Variants in CDH4 observed in about 807,000 individuals in gnomAD.
CDH4 encodes the protein cadherin-4.
In CDH4, 33 loss-of-function variants were observed where a neutral mutation model predicts 86.0. The ratio of observed to expected loss-of-function variants is 0.38; its 90% CI spans 0.29 to 0.51. The LOEUF is 0.51. CDH4 is among the 20% of genes least tolerant of loss of function. The pLI is 0.86. For synonymous variants in CDH4, 555 were observed against 549.4 expected, an observed-to-expected ratio of 1.01 and a Z score of -0.14; for missense variants, 1,114 against 1,307.4, an observed-to-expected ratio of 0.85 and a Z score of 2.28.
rs6061314 is a variant in CDH4, at chr20:61,694,260, C to T, written c.170-49303C>T. On this transcript the variant is annotated intron_variant, in intron 2 of 15. Transcript: ENST00000614565. Reference sequence around the variant, plus strand: ...CGCAGGTAGAGTGGGAAGGAGGAAGCCACACTGACTTGCCTGGCATTCTTT... The same window carrying T: ...CGCAGGTAGAGTGGGAAGGAGGAAGTCACACTGACTTGCCTGGCATTCTTT... 1.2e-3 allele frequency among the ~76,000 whole-genome samples: 179 copies of T among 152,218 alleles called. 1 individual carries two copies. The highest frequency in any genetic ancestry group is 4.1e-3 in the African/African-American group (171 of 41,522).
At chr20:61,583,438 G>A (rs2086446884) in intron 2 of CDH4, among the ~76,000 whole-genome samples, 1 of 152,104 alleles carries the variant, frequency 6.6e-6, no homozygotes, top group Non-Finnish European at 1.5e-5. Context: ...TTTGAGGGGA[G>A]ACGGGGGTTG....
At chr20:61,534,665 C>CTTTCTTTT (rs1192776046) in intron 2 of CDH4, among the ~76,000 whole-genome samples, 1 of 76,064 alleles carries the variant, frequency 1.3e-5, no homozygotes, top group African/African-American at 1.1e-4. Flanking sequence ...TTCTTTCTTT[C>CTTTCTTTT]TTTTTTTTTT....
intron 2 of CDH4, among the ~76,000 whole-genome samples, chr20:61,372,285 G>A (rs1342280245): frequency 6.6e-6 from 1 of 152,208 alleles, no homozygotes; most frequent in Non-Finnish European, 1.5e-5. Flanking sequence ...TCTGTCCCAT[G>A]CAGGCACAGA....
At chr20:61,788,438 C>T (rs1391923277) in intron 4 of CDH4, among the ~76,000 whole-genome samples, 5 of 152,160 alleles carry the variant, frequency 3.3e-5, no homozygotes, top group Non-Finnish European at 7.4e-5. Context: ...GGCAGAGGAG[C>T]CCTGGGGAAA....
intron 2 of CDH4, among the ~76,000 whole-genome samples, chr20:61,602,756 C>T (rs569951827): frequency 3.4e-4 from 51 of 147,988 alleles, no homozygotes; most frequent in African/African-American, 1.2e-3. Flanking sequence ...GCTGTGTGTG[C>T]CAGGCCAGCA....
At chr20:61,573,164 G>C (rs974100174) in intron 2 of CDH4, among the ~76,000 whole-genome samples, 2 of 152,174 alleles carry the variant, frequency 1.3e-5, no homozygotes, top group African/African-American at 4.8e-5. Flanking sequence ...TCTTCAGAGA[G>C]AGTGAGCTGA....
At chr20:61,797,850 C>T (rs529554761) in intron 4 of CDH4, among the ~76,000 whole-genome samples, 2 of 152,290 alleles carry the variant, frequency 1.3e-5, no homozygotes, top group South Asian at 4.1e-4. Context: ...GCGGAGAAGC[C>T]CAGGCGGAGA....
intron 2 of CDH4, among the ~76,000 whole-genome samples, chr20:61,421,791 G>C (rs1287509475): frequency 6.6e-6 from 1 of 152,222 alleles, no homozygotes; most frequent in East Asian, 1.9e-4. Context: ...TTTGTCCAGC[G>C]CTGGCTGATG....
chr20:61,709,964 T>A lies in CDH4; in HGVS notation c.170-33599T>A, dbSNP rs963539958. On this transcript the variant is annotated intron_variant, in intron 2 of 15. Coordinates refer to ENST00000614565, the MANE Select transcript of CDH4 (RefSeq NM_001794.5). This position sits in a 1 kb window ranked among gnomAD's most constrained non-coding sequence, Gnocchi z 4.8. ...ATCGGGCAAGACCATCTGTGTGTTG[T>A]AGGGAAAAGTTTGCCACCAACAGCG... Among the ~76,000 whole-genome samples the A allele has an allele frequency of 6.6e-6, 1 of 152,196 alleles. No homozygotes were observed. The highest frequency in any genetic ancestry group is 2.4e-5 in the African/African-American group (1 of 41,444).
At position 61,925,710 on chromosome 20, in the gene CDH4, G is replaced by A. The variant is rs548552545; in HGVS notation, c.1771+1234G>A. On this transcript the variant is annotated intron_variant, in intron 11 of 15. Coordinates refer to ENST00000614565, the MANE Select transcript of CDH4 (RefSeq NM_001794.5). ...ACAATTGAGGCTTTTTTTCTCTCAC[G>A]TCAAAGAAGGCTGGAGGCAGGCAGC... is the stretch of plus-strand genomic sequence containing the variant. Among the ~76,000 whole-genome samples, 7 of 152,260 alleles carry A rather than the reference G, an allele frequency of 4.6e-5. No individual in the cohort carries two copies. In the South Asian group the frequency reaches 8.3e-4, roughly 18 times the overall value.
chr20:61,899,584 C>CCGT (rs1985291035), intron 8 of CDH4, among the ~76,000 whole-genome samples: 3 of 152,094 alleles, frequency 2.0e-5, no homozygotes, highest in African/African-American at 7.2e-5. Context: ...CCTGCCACCA[C>CCGT]GCCCGGCTAA....
chr20:61,420,602 T>C (rs1161242613), intron 2 of CDH4, among the ~76,000 whole-genome samples: 1 of 152,208 alleles, frequency 6.6e-6, no homozygotes, highest in Non-Finnish European at 1.5e-5. Context: ...ACTCTCTTCC[T>C]CACAAGACCT....
At chr20:61,369,432 CAG>C (rs2084827838) in intron 2 of CDH4, among the ~76,000 whole-genome samples, 1 of 108,440 alleles carries the variant, frequency 9.2e-6, no homozygotes, top group African/African-American at 3.8e-5. Context: ...GCCTGGGTGA[CAG>C]AGTGAGACTC....
At chr20:61,323,482 A>G (rs2084520091) in intron 2 of CDH4, among the ~76,000 whole-genome samples, 1 of 152,200 alleles carries the variant, frequency 6.6e-6, no homozygotes, top group South Asian at 2.1e-4. Flanking sequence ...TACACCAAAC[A>G]CAAAATAATG....
At chr20:61,390,260 C>T (rs374669804) in intron 2 of CDH4, among the ~76,000 whole-genome samples, 21 of 111,960 alleles carry the variant, frequency 1.9e-4, no homozygotes, top group African/African-American at 4.7e-4. Flanking sequence ...TGGGTTCGTG[C>T]GGTCATAGGG....
Position 61,570,722 on chromosome 20 carries a change from G to A in CDH4, c.170-172841G>A, listed in dbSNP as rs115482123. On this transcript the variant is annotated intron_variant, in intron 2 of 15. Transcript: ENST00000614565. ...GCCAAAGTCAACAGGGATGCTTCAC[G>A]GAGGCAGGGAAAATGCAGGAGGTAA... is the stretch of plus-strand genomic sequence containing the variant. The A allele has an allele frequency of 2.8e-3, 1,994 of 702,350 alleles. 34 individuals are homozygous for A. The African/African-American group carries it at 0.031, about 11-fold the overall frequency. The allele number at this position is 702,350 out of a possible 1,614,324, so 43.5% of individuals were successfully genotyped here.
intron 11 of CDH4, among the ~76,000 whole-genome samples, chr20:61,925,575 G>A (rs764115899): frequency 1.4e-4 from 21 of 152,352 alleles, no homozygotes; most frequent in Middle Eastern, 3.4e-3. Context: ...AGTGCCTGCC[G>A]CTGCTCATCA....
intron 2 of CDH4, among the ~76,000 whole-genome samples, chr20:61,525,339 C>T (rs2085902048): frequency 6.6e-6 from 1 of 152,162 alleles, no homozygotes; most frequent in African/African-American, 2.4e-5. Context: ...TTCTGCAGCA[C>T]TTCCTTGGGT....
At chr20:61,844,561 A>G (rs768137172) in intron 4 of CDH4, 107 bp from the exon 5 acceptor site, 11 of 1,071,176 alleles carry the variant, frequency 1.0e-5, no homozygotes, top group Non-Finnish European at 1.5e-5. Flanking sequence ...TGTACCTGAA[A>G]ATGGTCGAGC....
Sources: allele counts gnomAD v4.1 joint callset (sites outside exome capture counted in the v4.1 genomes callset), GRCh38; gene constraint gnomAD v4.1.1; non-coding constraint Gnocchi (gnomAD v3.1); transcripts MANE v1.5; gene names NCBI Gene and HGNC (gene_info 2026-07-23, HGNC 2026-07-21).